Variants in HNRNPA1L2 observed in about 807,000 individuals in gnomAD.
HNRNPA1L2 encodes the protein heterogeneous nuclear ribonucleoprotein A1 like 2, also known as heterogeneous nuclear ribonucleoprotein A1-like 2.
In HNRNPA1L2, 10 loss-of-function variants were observed where a neutral mutation model predicts 18.2. The ratio of observed to expected loss-of-function variants is 0.55; its 90% confidence interval spans 0.34 to 0.93. HNRNPA1L2 has a LOEUF of 0.93. Ranked by LOEUF, HNRNPA1L2 falls within the 40% of genes least tolerant of loss-of-function variation. HNRNPA1L2 has a pLI of 0.02. For missense variants in HNRNPA1L2, 308 were observed against 394.4 expected, an observed-to-expected ratio of 0.78 and a Z score of 1.85; for synonymous variants, 124 against 138.6, an observed-to-expected ratio of 0.89 and a Z score of 0.74.
chr13:52,625,127 T>C, the HNRNPA1L2 span, among the ~76,000 whole-genome samples: 1 of 152,116 alleles, frequency 6.6e-6, no homozygotes, highest in Non-Finnish European at 1.5e-5. Flanking sequence ...CTTTTTTTTT[T>C]TTTGAGATGG....
At chr13:52,626,059 C>T in the HNRNPA1L2 span, among the ~76,000 whole-genome samples, 1 of 152,082 alleles carries the variant, frequency 6.6e-6, no homozygotes, top group African/African-American at 2.4e-5. Context: ...GAATTACAGG[C>T]ATGAGCCACC....
the HNRNPA1L2 span, chr13:52,621,922 A>G: frequency 6.6e-6 from 1 of 152,632 alleles, no homozygotes; most frequent in African/African-American, 2.4e-5. Flanking sequence ...AAATTTAGAT[A>G]CACGGTTTTT....
the HNRNPA1L2 span, among the ~76,000 whole-genome samples, chr13:52,623,305 A>G: frequency 6.6e-6 from 1 of 152,194 alleles, no homozygotes; most frequent in Non-Finnish European, 1.5e-5. Context: ...ATGCTTTGGA[A>G]AGAGTCAGTA....
chr13:52,617,757 C>T, the HNRNPA1L2 span: 2 of 419,704 alleles, frequency 4.8e-6, no homozygotes, highest in Non-Finnish European at 8.6e-6. Context: ...TTCAGTTATC[C>T]TCCAACTTCC....
the HNRNPA1L2 span, among the ~76,000 whole-genome samples, chr13:52,634,948 C>T: frequency 6.6e-6 from 1 of 152,282 alleles, no homozygotes; most frequent in South Asian, 2.1e-4. Context: ...TAAATGTTTG[C>T]AACTATTAGC....
chr13:52,642,371 A>G, upstream of HNRNPA1L2: 1 of 1,302,922 alleles, frequency 7.7e-7, no homozygotes, highest in Non-Finnish European at 1.1e-6. Flanking sequence ...TCCCAAAGAG[A>G]ATCAGCCAGA....
chr13:52,631,132 G>A, the HNRNPA1L2 span, among the ~76,000 whole-genome samples: 47 of 152,228 alleles, frequency 3.1e-4, no homozygotes, highest in East Asian at 7.7e-3. Context: ...GCAGGGTCTG[G>A]GGTATCAACC....
chr13:52,642,341 A>C (rs188487212), upstream of HNRNPA1L2: 24 of 1,018,532 alleles, frequency 2.4e-5, no homozygotes, highest in Admixed American at 6.8e-5. Context: ...GTTCAGGCCC[A>C]TATGAAAAAT....
At chr13:52,621,917 T>C in the HNRNPA1L2 span, 1 of 152,582 alleles carries the variant, frequency 6.6e-6, no homozygotes, top group Non-Finnish European at 1.5e-5. Context: ...AAAAAAAATT[T>C]AGATACACGG....
chr13:52,636,398 TG>T, the HNRNPA1L2 span, among the ~76,000 whole-genome samples: 1 of 152,226 alleles, frequency 6.6e-6, no homozygotes, highest in Non-Finnish European at 1.5e-5. Context: ...CAGCAGTAAC[TG>T]GTCGGAATAT....
chr13:52,629,316 G>T, the HNRNPA1L2 span: 1 of 218,772 alleles, frequency 4.6e-6, no homozygotes, highest in South Asian at 8.8e-5. Context: ...CCAAGGCTAT[G>T]ACAATTATCC....
upstream of HNRNPA1L2, among the ~76,000 whole-genome samples, chr13:52,640,217 C>T (rs2138080197): frequency 6.6e-6 from 1 of 152,322 alleles, no homozygotes; most frequent in Non-Finnish European, 1.5e-5. Context: ...GGTGGGATTA[C>T]AGGCGTGAGC....
the HNRNPA1L2 span, among the ~76,000 whole-genome samples, chr13:52,620,589 G>T: frequency 2.0e-5 from 3 of 152,150 alleles, no homozygotes; most frequent in East Asian, 3.9e-4. Flanking sequence ...TGGGACCAAA[G>T]AATCTGTATT....
At chr13:52,637,676 A>G (rs1193916061), upstream of HNRNPA1L2, among the ~76,000 whole-genome samples, 1 of 152,208 alleles carries the variant, frequency 6.6e-6, no homozygotes, top group Non-Finnish European at 1.5e-5. Flanking sequence ...CGATAAAACT[A>G]TAAAGAAAAT....
chr13:52,636,934 C>T, the HNRNPA1L2 span, among the ~76,000 whole-genome samples: 38 of 152,108 alleles, frequency 2.5e-4, no homozygotes, highest in Admixed American at 6.5e-5. Context: ...TGGGTTCAAG[C>T]GGTTCTCCTG....
At chr13:52,624,877 A>C in the HNRNPA1L2 span, among the ~76,000 whole-genome samples, 57 of 152,060 alleles carry the variant, frequency 3.7e-4, no homozygotes, top group Non-Finnish European at 7.8e-4. Flanking sequence ...ACAAAAATAC[A>C]AAAATTAGCC....
In HNRNPA1L2 at chr13:52,643,410, C is replaced by T. The variant is rs537221567; in HGVS notation, c.918C>T (p.Gly306=). ...AACCACAAAACCAAGGTGGCTATGG[C>T]GTTTCCAGCAGCAGCAGTAGCTATG... ...FAKPQNQGGY[G]VSSSSSSYGS... is the part of the protein sequence containing the mutation. The change falls in exon 1 of 1, where the codon GGC becomes GGT. Residue 306 remains glycine (G), a synonymous_variant. Transcript: ENST00000357495. 107 of 1,598,570 alleles carry T rather than the reference C, an allele frequency of 6.7e-5. No homozygotes were observed. Among genetic ancestry groups the T allele is most frequent in the East Asian group, 6.5e-4 (29 of 44,882 alleles).
chr13:52,618,730 T>C, the HNRNPA1L2 span, among the ~76,000 whole-genome samples: 1 of 152,116 alleles, frequency 6.6e-6, no homozygotes, highest in African/African-American at 2.4e-5. Context: ...GTGTGAAAAA[T>C]GGAAAATCAG....
the HNRNPA1L2 span, among the ~76,000 whole-genome samples, chr13:52,624,479 C>T: frequency 6.6e-6 from 1 of 152,160 alleles, no homozygotes; most frequent in Non-Finnish European, 1.5e-5. Context: ...CCCTCTTCCA[C>T]ATTGATTTTC....
Sources: gnomAD v4.1 joint callset for allele counts (sites outside exome capture counted in the v4.1 genomes callset) on GRCh38, gnomAD v4.1.1 for gene constraint, MANE v1.5 for transcripts, NCBI Gene and HGNC (gene_info 2026-07-23, HGNC 2026-07-21) for gene names.